Variants in IL1R1 observed in about 807,000 individuals in gnomAD.
The protein encoded by IL1R1 is interleukin-1 receptor type 1.
Under a neutral mutation model 50.2 loss-of-function variants are expected in IL1R1, and 22 were observed. The observed-to-expected ratio is 0.44, with a 90% CI of 0.31 to 0.63. IL1R1 has a LOEUF of 0.63. Ranked by LOEUF, IL1R1 falls within the 20% of genes least tolerant of loss-of-function variation. The pLI is 0.07. For missense variants in IL1R1, 509 were observed against 676.2 expected (o/e 0.75, Z 2.74); for synonymous variants, 251 against 236.7 (o/e 1.06, Z -0.55).
At chr2:102,147,892 A>G (rs1010490704) in intron 1 of IL1R1, among the ~76,000 whole-genome samples, 4 of 152,226 alleles carry the variant, frequency 2.6e-5, no homozygotes, top group Admixed American at 6.5e-5. Flanking sequence ...TGCATCCTCA[A>G]TGATAAAAAT....
chr2:102,117,441 T>A (rs752917634), intron 1 of IL1R1, among the ~76,000 whole-genome samples: 2 of 152,216 alleles, frequency 1.3e-5, no homozygotes, highest in Non-Finnish European at 2.9e-5. Flanking sequence ...CATGGACATA[T>A]CCTGTTGACA....
At chr2:102,083,446 G>T (rs916383970) in intron 1 of IL1R1, among the ~76,000 whole-genome samples, 2 of 152,030 alleles carry the variant, frequency 1.3e-5, no homozygotes, top group Non-Finnish European at 2.9e-5. Flanking sequence ...AATCCTACTA[G>T]TTCTCTTTCA....
upstream of IL1R1, among the ~76,000 whole-genome samples, chr2:102,099,889 C>T (rs1392524834): frequency 6.6e-6 from 1 of 152,118 alleles, no homozygotes; most frequent in South Asian, 2.1e-4. Flanking sequence ...TTAGATTTGG[C>T]CTATGGTTCT....
intron 2 of IL1R1, among the ~76,000 whole-genome samples, chr2:102,155,770 G>A (rs1046053001): frequency 6.6e-6 from 1 of 152,230 alleles, no homozygotes; most frequent in African/African-American, 2.4e-5. Flanking sequence ...AGAGGAGGAT[G>A]AGGTCTGACA....
chr2:102,155,646 G>C (rs985983851), intron 2 of IL1R1, among the ~76,000 whole-genome samples: 4 of 152,106 alleles, frequency 2.6e-5, no homozygotes, highest in Non-Finnish European at 5.9e-5. Context: ...CCAAAAGCCC[G>C]CTGCTGAGAG....
At chr2:102,071,856 A>G (rs1159677112) in intron 1 of IL1R1, among the ~76,000 whole-genome samples, 1 of 152,204 alleles carries the variant, frequency 6.6e-6, no homozygotes, top group African/African-American at 2.4e-5. Flanking sequence ...CTCCTAGACC[A>G]GTGGCTGCCA....
chr2:102,079,016 A>T (rs1488323828), intron 1 of IL1R1, among the ~76,000 whole-genome samples: 1 of 152,166 alleles, frequency 6.6e-6, no homozygotes, highest in African/African-American at 2.4e-5. Context: ...GATGCAGACA[A>T]AATGTCTGAT....
Position 102,076,971 on chromosome 2 carries a change from C to T in IL1R1, c.-84+6438C>T, listed in dbSNP as rs141455322. Among the ~76,000 whole-genome samples the T allele has an allele frequency of 6.0e-3, 920 of 152,206 alleles. 20 individuals carry two copies. Among genetic ancestry groups the T allele is most frequent in the East Asian group, 0.056 (293 of 5,188 alleles). ...TACATTGTTCTACAATTCATTAATGCTCTGCTCATTTTTTCAATCTTCTTT... is the reference window on the plus strand; with the variant it reads ...TACATTGTTCTACAATTCATTAATGTTCTGCTCATTTTTTCAATCTTCTTT... On this transcript the variant is annotated intron_variant, in intron 1 of 11. Transcript: ENST00000409929.
rs747300398 is a variant in IL1R1, at chr2:102,165,321, T to G, written c.486+17T>G. The G allele has an allele frequency of 7.2e-7, 1 of 1,380,734 alleles. No individual in the cohort carries two copies. The highest frequency in any genetic ancestry group is 2.5e-5 in the Admixed American group (1 of 40,700). 85.5% of individuals were successfully genotyped at this position (1,380,734 alleles called of 1,614,324 possible). ...TGGTATAAGGTAATTTTATTTTAAA[T>G]ATGACATTTCACTTTTCCAGAAAAT... On this transcript the variant is annotated intron_variant, in intron 5 of 11. Transcript: ENST00000410023.
intron 1 of IL1R1, among the ~76,000 whole-genome samples, chr2:102,077,546 G>A (rs79048470): frequency 0.026 from 3,953 of 152,190 alleles, 169 homozygotes; most frequent in African/African-American, 0.09. Flanking sequence ...TGGCCTTATA[G>A]AATAGTCATA....
At chr2:102,169,483 A>C (rs1685487859) in intron 7 of IL1R1, among the ~76,000 whole-genome samples, 1 of 152,262 alleles carries the variant, frequency 6.6e-6, no homozygotes, top group African/African-American at 2.4e-5. Flanking sequence ...GACAAGCACA[A>C]ATATAGAACA....
chr2:102,176,756 G>T lies in IL1R1; in HGVS notation c.1707G>T (p.Gly569=). The part of the protein sequence containing the change: ...KLQREAHVPL[G] Reference sequence around the variant, plus strand: ...AAAGAGAGGCTCACGTGCCTCTCGGGTAGCATGGAGAAGTTGCCAAGAGTT... The same window carrying T: ...AAAGAGAGGCTCACGTGCCTCTCGGTTAGCATGGAGAAGTTGCCAAGAGTT... Residue 569 remains glycine, a synonymous_variant, in exon 12 of 12, where the codon GGG becomes GGT. Coordinates refer to ENST00000410023, the MANE Select transcript of IL1R1 (RefSeq NM_000877.4). The T allele has an allele frequency of 6.2e-7, 1 of 1,612,824 alleles. No individual in the cohort carries two copies. Among genetic ancestry groups the T allele is most frequent in the South Asian group, 1.1e-5 (1 of 91,048 alleles).
rs1475582550 is a variant in IL1R1 at position 102,175,532 on chromosome 2, A to G, written c.1190A>G (p.Glu397Gly). ...ATACTGTATCCAAAGACTGTTGGGGAAGGGTCTACCTCTGACTGTGATATT... is the reference window on the plus strand; with the variant it reads ...ATACTGTATCCAAAGACTGTTGGGGGAGGGTCTACCTCTGACTGTGATATT... ...AYILYPKTVGEGSTSDCDIFV... is the reference protein window; with the variant it reads ...AYILYPKTVGGGSTSDCDIFV... The change falls in exon 11 of 12, where the codon GAA (glutamate) becomes GGA (glycine). Residue 397 changes from glutamate (E) to glycine (G), a missense_variant. Glu to Gly is a moderately conservative substitution (Grantham distance 98, BLOSUM62 -2). Transcript: ENST00000410023. The G allele has an allele frequency of 6.2e-7, 1 of 1,613,450 alleles. No individual in the cohort carries two copies. Among genetic ancestry groups the G allele is most frequent in the Non-Finnish European group, 8.5e-7 (1 of 1,179,438 alleles).
chr2:102,120,475 G>A (rs1193836081), intron 1 of IL1R1, among the ~76,000 whole-genome samples: 1 of 152,124 alleles, frequency 6.6e-6, no homozygotes, highest in Non-Finnish European at 1.5e-5. Flanking sequence ...ATGCAGGAAA[G>A]GCACAATTCC....
At chr2:102,163,413 T>G (rs1057249342) in intron 3 of IL1R1, among the ~76,000 whole-genome samples, 1 of 152,220 alleles carries the variant, frequency 6.6e-6, no homozygotes, top group African/African-American at 2.4e-5. Flanking sequence ...CTGTTATTTT[T>G]GTCTCTGTGC....
intron 1 of IL1R1, among the ~76,000 whole-genome samples, chr2:102,106,105 C>T (rs993914543): frequency 7.2e-5 from 11 of 152,148 alleles, no homozygotes; most frequent in African/African-American, 2.4e-4. Flanking sequence ...GTGAATTTTT[C>T]GCTGTGTTGG....
intron 1 of IL1R1, among the ~76,000 whole-genome samples, chr2:102,082,113 C>T (rs1367923982): frequency 6.6e-6 from 1 of 152,116 alleles, no homozygotes; most frequent in Non-Finnish European, 1.5e-5. Context: ...TTTCCTCGTC[C>T]TCCCTTTCCT....
intron 6 of IL1R1, among the ~76,000 whole-genome samples, chr2:102,166,758 C>T (rs1685213590): frequency 6.6e-6 from 1 of 152,128 alleles, no homozygotes; most frequent in African/African-American, 2.4e-5. Context: ...ACCCTGTTTC[C>T]TCTTCTGTAA....
intron 1 of IL1R1, among the ~76,000 whole-genome samples, chr2:102,143,434 C>T (rs915884075): frequency 2.6e-5 from 4 of 152,110 alleles, no homozygotes; most frequent in Non-Finnish European, 5.9e-5. Context: ...ACTTGTTGCC[C>T]CTCCAGATAA....
Sources: allele counts gnomAD v4.1 joint callset (sites outside exome capture counted in the v4.1 genomes callset), GRCh38; gene constraint gnomAD v4.1.1; transcripts MANE v1.5; gene names NCBI Gene and HGNC (gene_info 2026-07-23, HGNC 2026-07-21).